The following ASB3 variants were observed in gnomAD, a reference collection of about 807,000 sequenced individuals.
ASB3 encodes ankyrin repeat and SOCS box protein 3.
ASB3 carries 41 observed loss-of-function variants against 54.5 expected under a neutral mutation model. That is an observed-to-expected ratio of 0.75 (90% CI 0.59 to 0.98). The LOEUF (loss-of-function observed/expected upper bound fraction) is 0.98. Among genes scored for constraint, ASB3 ranks in the 50% least tolerant of loss-of-function variants. ASB3 has a pLI of 0.00. For synonymous variants in ASB3, 266 were observed against 221.2 expected, an observed-to-expected ratio of 1.20 and a Z score of -1.80; for missense variants, 733 against 620.0, an observed-to-expected ratio of 1.18 and a Z score of -1.94.
chr2:53,780,892 T>A (rs1470564021), intron 1 of ASB3, among the ~76,000 whole-genome samples: 2 of 152,226 alleles, frequency 1.3e-5, no homozygotes, highest in African/African-American at 4.8e-5. Context: ...TGTTCATGTG[T>A]CAGAGAATAA....
In ASB3 at chr2:53,714,385, C is replaced by T. The variant is rs1336591829; in HGVS notation, c.979G>A (p.Asp327Asn). Residue 327 changes from aspartate (D) to asparagine (N), a missense_variant and splice_region_variant, in exon 7 of 10, where the codon GAC (aspartate) becomes AAC (asparagine). Asp to Asn is a conservative substitution (Grantham distance 23). Transcript: ENST00000263634. ...TAAAAACATAGCAAATATACATACT[C>T]CTTTTGGAAAGCCATGCACACAGGA... The part of the protein sequence containing the change: ...SSPVCMAFQK[D>N]CEFFGIVNIL... 4.3e-6 allele frequency: 7 copies of T among 1,613,974 alleles called. No homozygotes were observed. The highest frequency in any genetic ancestry group is 2.2e-5 in the East Asian group (1 of 44,890).
chr2:53,716,164 C>T (rs1215669272), intron 6 of ASB3, among the ~76,000 whole-genome samples: 2 of 152,292 alleles, frequency 1.3e-5, no homozygotes, highest in East Asian at 3.9e-4. Flanking sequence ...ACTTAGCACA[C>T]ACTCCAACAG....
At chr2:53,691,791 G>C (rs1029615694) in intron 9 of ASB3, among the ~76,000 whole-genome samples, 1 of 152,136 alleles carries the variant, frequency 6.6e-6, no homozygotes, top group Admixed American at 6.5e-5. Context: ...TTTTCTCCCA[G>C]TCTTACTAAA....
intron 2 of ASB3, among the ~76,000 whole-genome samples, chr2:53,761,502 G>A (rs981996733): frequency 1.3e-5 from 2 of 151,974 alleles, no homozygotes; most frequent in African/African-American, 4.8e-5. Context: ...GGATACTGGA[G>A]ATCCTGATCC....
intron 1 of ASB3, chr2:53,774,203 A>T (rs1319366862): frequency 1.3e-5 from 21 of 1,613,884 alleles, no homozygotes; most frequent in Non-Finnish European, 1.8e-5. Flanking sequence ...GTAAAAGCAT[A>T]CCTTGACTTC....
At chr2:53,732,683 A>G (rs930654575) in intron 3 of ASB3, among the ~76,000 whole-genome samples, 1 of 152,262 alleles carries the variant, frequency 6.6e-6, no homozygotes, top group Admixed American at 6.5e-5. Context: ...GAAATCTGCT[A>G]TCTGCAACTA....
chr2:53,687,636 A>G (rs1171182376), intron 9 of ASB3, among the ~76,000 whole-genome samples: 1 of 152,172 alleles, frequency 6.6e-6, no homozygotes, highest in Admixed American at 6.5e-5. Flanking sequence ...ATATATTTTA[A>G]AAGGCCCACT....
intron 2 of ASB3, among the ~76,000 whole-genome samples, chr2:53,761,310 G>C (rs1360215231): frequency 2.0e-5 from 3 of 152,194 alleles, no homozygotes; most frequent in Non-Finnish European, 4.4e-5. Flanking sequence ...AGAGCACAGA[G>C]GGAGGGACAA....
Position 53,750,843 on chromosome 2 carries a change from A to C in ASB3, c.295T>G (p.Leu99Val). ...GCATTAGGATCTGCCCCAGCTTCTA[A>C]AAGAATCTGTACGATTTTCCAATGT... Reference protein sequence around the residue: ...QGHWKIVQILLEAGADPNATT... With the variant: ...QGHWKIVQILVEAGADPNATT... The change falls in exon 3 of 10, where the codon TTA (leucine) becomes GTA (valine). Residue 99 changes from leucine (L) to valine (V), a missense_variant. Leu to Val is a conservative substitution (Grantham distance 32, BLOSUM62 1). Coordinates refer to ENST00000263634, the MANE Select transcript of ASB3 (RefSeq NM_016115.5). The C allele has an allele frequency of 6.2e-7, 1 of 1,603,314 alleles. No homozygotes were observed. The highest frequency in any genetic ancestry group is 8.5e-7 in the Non-Finnish European group (1 of 1,174,768).
At chr2:53,735,216 G>A (rs528110067) in intron 3 of ASB3, among the ~76,000 whole-genome samples, 20 of 151,964 alleles carry the variant, frequency 1.3e-4, no homozygotes, top group Non-Finnish European at 2.5e-4. Context: ...CACCACGCCC[G>A]GCCTATACAT....
intron 1 of ASB3, among the ~76,000 whole-genome samples, chr2:53,766,846 C>G (rs566843559): frequency 2.0e-5 from 3 of 151,600 alleles, no homozygotes; most frequent in African/African-American, 7.3e-5. Flanking sequence ...TATAAGAAAA[C>G]AAATAATACC....
At chr2:53,691,754 T>A (rs1296721751) in intron 9 of ASB3, among the ~76,000 whole-genome samples, 22 of 152,034 alleles carry the variant, frequency 1.4e-4, no homozygotes, top group Admixed American at 1.4e-3. Flanking sequence ...AGAGTCACAA[T>A]CCCATCTGAA....
intron 3 of ASB3, among the ~76,000 whole-genome samples, chr2:53,743,342 T>C (rs1355826072): frequency 6.6e-6 from 1 of 152,064 alleles, no homozygotes; most frequent in Admixed American, 6.6e-5. Context: ...ACTCAGGGAA[T>C]AGTACTGCCA....
chr2:53,778,674 A>C (rs2104204912), intron 1 of ASB3, among the ~76,000 whole-genome samples: 1 of 152,322 alleles, frequency 6.6e-6, no homozygotes, highest in Admixed American at 6.5e-5. Context: ...CATTTAGCTT[A>C]ATGTTCTCCA....
intron 2 of ASB3, among the ~76,000 whole-genome samples, chr2:53,761,892 A>G (rs927999077): frequency 1.3e-5 from 2 of 152,260 alleles, no homozygotes; most frequent in East Asian, 1.9e-4. Context: ...ATCACTAGTT[A>G]TAACAGCAAA....
At chr2:53,753,494 G>A (rs1278847295) in intron 2 of ASB3, among the ~76,000 whole-genome samples, 1 of 152,012 alleles carries the variant, frequency 6.6e-6, no homozygotes, top group Non-Finnish European at 1.5e-5. Context: ...AGATACAGAT[G>A]GCTAGACACG....
intron 5 of ASB3, among the ~76,000 whole-genome samples, chr2:53,717,534 A>G (rs879372778): frequency 6.6e-6 from 1 of 152,176 alleles, no homozygotes; most frequent in Non-Finnish European, 1.5e-5. Flanking sequence ...AAAGAAAAAG[A>G]AAAAAATCCC....
intron 5 of ASB3, among the ~76,000 whole-genome samples, chr2:53,728,261 T>A (rs1272459781): frequency 1.3e-5 from 2 of 152,230 alleles, no homozygotes; most frequent in Admixed American, 1.3e-4. Context: ...TAGCAGGTTA[T>A]GTTACTATTA....
chr2:53,770,498 T>TA lies in ASB3; in HGVS notation c.-13-4914dup, dbSNP rs76201682. Among the ~76,000 whole-genome samples, 599 of 110,454 alleles carry TA rather than the reference T, an allele frequency of 5.4e-3. 2 individuals carry two copies. The highest frequency in any genetic ancestry group is 0.016 in the South Asian group (55 of 3,348). The allele number at this position is 110,454 out of a possible 152,430, so 72.5% of individuals were successfully genotyped here. A position where few individuals can be genotyped will look rare whatever the true frequency, so the allele number is the denominator to read the frequency against. Reference sequence around the variant, plus strand: ...TGGTACTCCGTGGACGAAGTTTATTTAAAAAAAAAAAAAAAAAAAAAAAAA... The same window carrying TA: ...TGGTACTCCGTGGACGAAGTTTATTTAAAAAAAAAAAAAAAAAAAAAAAAAA... On this transcript the variant is annotated intron_variant, in intron 1 of 9. Transcript: ENST00000263634.
Sources: gnomAD v4.1 joint callset for allele counts (sites outside exome capture counted in the v4.1 genomes callset) on GRCh38, gnomAD v4.1.1 for gene constraint, MANE v1.5 for transcripts, NCBI Gene and HGNC (gene_info 2026-07-23, HGNC 2026-07-21) for gene names.